The following RGS12 variants were observed in gnomAD, a reference collection of about 807,000 sequenced individuals.
RGS12 encodes regulator of G protein signaling 12.
A neutral mutation model predicts 120.1 loss-of-function variants in RGS12; 66 were observed. That is an observed-to-expected ratio of 0.55 (90% CI 0.45 to 0.67). The LOEUF is 0.67. Among genes scored for constraint, RGS12 ranks in the 30% least tolerant of loss-of-function variants. The pLI is 0.00. For missense variants in RGS12, 1,859 were observed against 1,957.7 expected (o/e 0.95, Z 0.95); for synonymous variants, 827 against 804.7 (o/e 1.03, Z -0.47).
chr4:3,405,653 A>C (rs984726200), intron 4 of RGS12, among the ~76,000 whole-genome samples: 2 of 150,770 alleles, frequency 1.3e-5, no homozygotes, highest in Admixed American at 6.6e-5. Flanking sequence ...CCACCTTCTT[A>C]GGAAATCTAC....
In RGS12 at chr4:3,399,866, T is replaced by A. The variant is rs116491701; in HGVS notation, c.2020+13429T>A. Among the ~76,000 whole-genome samples the A allele has an allele frequency of 6.4e-3, 972 of 152,378 alleles. 11 individuals are homozygous for A. The highest frequency in any genetic ancestry group is 0.022 in the African/African-American group (920 of 41,586). ...GCCTACTGCAGTTTGGCTTTGTTTT[T>A]GTTCTAAGTGTTTTCCTCCAGGAGC... On this transcript the variant is annotated intron_variant, in intron 4 of 17. Coordinates refer to ENST00000336727, the MANE Select transcript of RGS12 (RefSeq NM_001394154.1).
rs766214429 is a variant in RGS12, at chr4:3,316,460, A to G, written c.290A>G (p.Glu97Gly). The G allele has an allele frequency of 6.2e-7, 1 of 1,614,192 alleles. No homozygotes were observed. Among genetic ancestry groups the G allele is most frequent in the Non-Finnish European group, 8.5e-7 (1 of 1,180,042 alleles). The change falls in exon 2 of 18, where the codon GAA becomes GGA. Residue 97 changes from glutamate to glycine, a missense_variant. Around this residue, in one of 3 missense-constraint regions of RGS12, gnomAD observed 967 missense variants for 994.2 expected, o/e 0.97. Transcript: ENST00000336727. ...GGTGTCCTTCACATGGTGATTGCTG[A>G]AGGCGTCGGCCGCTTCGAATCCTGT... is the stretch of plus-strand genomic sequence containing the variant. ...CSGVLHMVIA[E>G]GVGRFESCSS...
chr4:3,327,452 C>T (rs1419539582), intron 2 of RGS12, among the ~76,000 whole-genome samples: 2 of 152,198 alleles, frequency 1.3e-5, no homozygotes. Context: ...TAAAGAACTT[C>T]TGCACAGCAA....
rs539242859 is a variant in RGS12, at chr4:3,366,867, G to A, written c.1999-19549G>A. Among the ~76,000 whole-genome samples the A allele has an allele frequency of 3.3e-5, 5 of 152,268 alleles. No individual in the cohort carries two copies. The highest frequency in any genetic ancestry group is 6.5e-5 in the Admixed American group (1 of 15,298). On this transcript the variant is annotated intron_variant, in intron 3 of 17. Coordinates refer to ENST00000336727, the MANE Select transcript of RGS12 (RefSeq NM_001394154.1). This position sits in a 1 kb window ranked among gnomAD's most constrained non-coding sequence, Gnocchi z 4.0. ...CCTGGAGACCCTGGGTCACCCACAGGCCCCTTTGCCTTCACTGGAACTTTC... is the reference window on the plus strand; with the variant it reads ...CCTGGAGACCCTGGGTCACCCACAGACCCCTTTGCCTTCACTGGAACTTTC...
intron 1 of RGS12, among the ~76,000 whole-genome samples, chr4:3,309,624 TCCG>T (rs1419268479): frequency 1.6e-5 from 2 of 121,370 alleles, no homozygotes; most frequent in Non-Finnish European, 1.7e-5. Context: ...ATGGCAGGTG[TCCG>T]CTGAGGGGAA....
chr4:3,368,357 CTG>C (rs560807956), intron 3 of RGS12, among the ~76,000 whole-genome samples: 27 of 140,958 alleles, frequency 1.9e-4, no homozygotes, highest in Admixed American at 1.8e-3. Flanking sequence ...GTGTGTGCAC[CTG>C]TGTGTGTGCG....
At chr4:3,413,482 G>A (rs1409896475) in intron 4 of RGS12, 1 of 152,548 alleles carries the variant, frequency 6.6e-6, no homozygotes, top group Non-Finnish European at 1.5e-5. Context: ...CCCACATGCA[G>A]AGCAGTGTGC....
chr4:3,414,315 C>T (rs915816994), intron 5 of RGS12, 74 bp downstream of exon 5: 15 of 1,442,392 alleles, frequency 1.0e-5, no homozygotes, highest in South Asian at 4.1e-5. Flanking sequence ...ATCTGTGGGC[C>T]GCCCTAGAGA....
At chr4:3,353,271 T>G (rs1236203123) in intron 3 of RGS12, among the ~76,000 whole-genome samples, 1 of 152,174 alleles carries the variant, frequency 6.6e-6, no homozygotes, top group Non-Finnish European at 1.5e-5. Context: ...GAGAGTGAAC[T>G]GAGTTTCATC....
intron 3 of RGS12, among the ~76,000 whole-genome samples, chr4:3,379,958 A>C (rs1174283658): frequency 6.6e-6 from 1 of 152,238 alleles, no homozygotes; most frequent in Non-Finnish European, 1.5e-5. Context: ...AGTTCCCCCA[A>C]AGTCTTAACT....
At chr4:3,427,987 C>T in intron 14 of RGS12, 103 bp from the exon 15 acceptor site, 1 of 1,119,856 alleles carries the variant, frequency 8.9e-7, no homozygotes, top group South Asian at 1.3e-5. Flanking sequence ...TGCCTTGTGG[C>T]TTCTCTACAG....
chr4:3,402,280 G>A (rs1020381855), intron 4 of RGS12, among the ~76,000 whole-genome samples: 1 of 152,178 alleles, frequency 6.6e-6, no homozygotes, highest in Non-Finnish European at 1.5e-5. Context: ...CCATGGCTGA[G>A]AGCATCCACC....
chr4:3,292,923 C>A (rs1305599464), upstream of RGS12: 2 of 150,028 alleles, frequency 1.3e-5, no homozygotes, highest in Non-Finnish European at 3.0e-5. Context: ...CCCAACCCCA[C>A]CCCCTTGGCC....
At position 3,372,104 on chromosome 4, in the gene RGS12, G is replaced by T. The variant is rs1317920343; in HGVS notation, c.1999-14312G>T. 6.6e-6 allele frequency among the ~76,000 whole-genome samples: 1 copy of T among 152,214 alleles called. No individual in the cohort carries two copies. The highest frequency in any genetic ancestry group is 2.4e-5 in the African/African-American group (1 of 41,460). ...TTTCATAAACCATGTGGCGTCAGGT[G>T]TTGCAGGCTCTGACACTAGTTAGAT... On this transcript the variant is annotated intron_variant, in intron 3 of 17. Coordinates refer to ENST00000336727, the MANE Select transcript of RGS12 (RefSeq NM_001394154.1). The surrounding 1 kb of genome is among the most constrained non-coding windows in gnomAD (Gnocchi z 4.3).
chr4:3,373,015 C>T (rs967336322), intron 3 of RGS12, among the ~76,000 whole-genome samples: 6 of 152,154 alleles, frequency 3.9e-5, no homozygotes, highest in Admixed American at 6.5e-5. Flanking sequence ...TGCGGCCCGG[C>T]GTGGCTGCGG....
rs1371878546 is a variant in RGS12 at position 3,389,050 on chromosome 4, G to A, written c.2020+2613G>A. On this transcript the variant is annotated intron_variant, in intron 4 of 17. Coordinates refer to ENST00000336727, the MANE Select transcript of RGS12 (RefSeq NM_001394154.1). The surrounding 1 kb of genome is among the most constrained non-coding windows in gnomAD (Gnocchi z 5.2). ...TGTTCAACGAGCCGTGCCAGTGAGA[G>A]AGTTCGTGTTCATGCCACGGTTTCA... is the stretch of plus-strand genomic sequence containing the variant. 6.6e-6 allele frequency among the ~76,000 whole-genome samples: 1 copy of A among 152,232 alleles called. No homozygotes were observed. Among genetic ancestry groups the A allele is most frequent in the Admixed American group, 6.5e-5 (1 of 15,286 alleles).
chr4:3,420,889 G>A (rs1337448949), intron 10 of RGS12, among the ~76,000 whole-genome samples, 171 bp downstream of exon 10: 2 of 152,256 alleles, frequency 1.3e-5, no homozygotes, highest in African/African-American at 4.8e-5. Flanking sequence ...GTGCAGGGTG[G>A]CCCAGTGCCC....
chr4:3,396,926 T>A (rs74764580), intron 4 of RGS12, among the ~76,000 whole-genome samples: 1 of 151,626 alleles, frequency 6.6e-6, no homozygotes, highest in Non-Finnish European at 1.5e-5. Context: ...TTTTTTTTTT[T>A]AATTGCTGTA....
intron 1 of RGS12, among the ~76,000 whole-genome samples, chr4:3,296,513 A>G (rs1723391424): frequency 2.0e-5 from 3 of 151,954 alleles, no homozygotes; most frequent in Non-Finnish European, 4.4e-5. Flanking sequence ...GCCATGTTCA[A>G]ATTTCCAGGA....
Sources: allele counts gnomAD v4.1 joint callset (sites outside exome capture counted in the v4.1 genomes callset), GRCh38; gene constraint gnomAD v4.1.1; regional missense constraint gnomAD v4.1.1; non-coding constraint Gnocchi (gnomAD v3.1); transcripts MANE v1.5; gene names NCBI Gene and HGNC (gene_info 2026-07-23, HGNC 2026-07-21).